Variants in DPP10 observed in about 807,000 individuals in gnomAD.
The protein encoded by DPP10 is inactive dipeptidyl peptidase 10.
DPP10 carries 33 observed loss-of-function variants against 120.9 expected under a neutral mutation model. The observed-to-expected ratio is 0.27, with a 90% confidence interval of 0.21 to 0.37. The LOEUF (loss-of-function observed/expected upper bound fraction) is 0.37, where lower values mean the gene tolerates loss of function less well. Among genes scored for constraint, DPP10 ranks in the 10% least tolerant of loss-of-function variants. DPP10 has a pLI of 1.00. For missense variants in DPP10, 816 were observed against 942.8 expected, an observed-to-expected ratio of 0.87 and a Z score of 1.76; for synonymous variants, 337 against 326.1, an observed-to-expected ratio of 1.03 and a Z score of -0.36.
chr2:115,753,890 T>C (rs927333073), intron 11 of DPP10, among the ~76,000 whole-genome samples: 9 of 152,174 alleles, frequency 5.9e-5, no homozygotes, highest in African/African-American at 2.2e-4. Context: ...TAAACGGTTA[T>C]GTGTATGGTA....
chr2:114,616,581 G>A (rs1023830792), intron 1 of DPP10, among the ~76,000 whole-genome samples: 2 of 152,116 alleles, frequency 1.3e-5, no homozygotes, highest in African/African-American at 4.8e-5. Flanking sequence ...AAATGCTGTT[G>A]CTGTAACCTT....
At chr2:114,747,923 G>C (rs1325918569) in intron 1 of DPP10, among the ~76,000 whole-genome samples, 1 of 152,100 alleles carries the variant, frequency 6.6e-6, no homozygotes, top group Non-Finnish European at 1.5e-5. Flanking sequence ...TCAAATTACG[G>C]TCTATCAGTG....
intron 8 of DPP10, among the ~76,000 whole-genome samples, chr2:115,729,823 G>T (rs1018810946): frequency 8.0e-6 from 1 of 125,528 alleles, no homozygotes; most frequent in African/African-American, 2.9e-5. Flanking sequence ...AGAAGAGAGA[G>T]AGAGCATCTG....
intron 5 of DPP10, among the ~76,000 whole-genome samples, chr2:115,677,155 A>G (rs1028411351): frequency 6.6e-6 from 1 of 152,212 alleles, no homozygotes; most frequent in African/African-American, 2.4e-5. Flanking sequence ...GAGGGAATTC[A>G]TCACCACTAG....
intron 1 of DPP10, among the ~76,000 whole-genome samples, chr2:114,974,726 A>G (rs1019023258): frequency 2.6e-5 from 4 of 151,976 alleles, no homozygotes; most frequent in Non-Finnish European, 4.4e-5. Flanking sequence ...GCTAGATCCT[A>G]TATAGAAGGT....
At chr2:115,812,705 T>C (rs1185507120) in intron 19 of DPP10, among the ~76,000 whole-genome samples, 1 of 152,138 alleles carries the variant, frequency 6.6e-6, no homozygotes, top group African/African-American at 2.4e-5. Context: ...TCACTGAAAA[T>C]CACATTAAAT....
chr2:114,731,755 G>A (rs928622949), intron 1 of DPP10, among the ~76,000 whole-genome samples: 1 of 152,094 alleles, frequency 6.6e-6, no homozygotes, highest in Non-Finnish European at 1.5e-5. Flanking sequence ...CAGAGAAGAG[G>A]AGCACCAATG....
chr2:114,958,202 G>A (rs944202535), intron 1 of DPP10, among the ~76,000 whole-genome samples: 3 of 152,208 alleles, frequency 2.0e-5, no homozygotes, highest in Admixed American at 6.5e-5. Context: ...ATTAGTGTTT[G>A]CCTTATTTGA....
intron 1 of DPP10, among the ~76,000 whole-genome samples, chr2:114,496,679 G>T (rs1682545461): frequency 6.6e-6 from 1 of 151,974 alleles, no homozygotes; most frequent in Non-Finnish European, 1.5e-5. Flanking sequence ...TTAAACTCTG[G>T]ATTTTGGAGA....
At chr2:115,305,508 G>C (rs1411803259) in intron 1 of DPP10, among the ~76,000 whole-genome samples, 1 of 152,010 alleles carries the variant, frequency 6.6e-6, no homozygotes, top group African/African-American at 2.4e-5. Context: ...TGACACAGGA[G>C]GATTGCTTGA....
intron 1 of DPP10, among the ~76,000 whole-genome samples, chr2:114,758,300 T>A (rs1679973151): frequency 6.6e-6 from 1 of 152,232 alleles, no homozygotes; most frequent in Non-Finnish European, 1.5e-5. Flanking sequence ...CCCAAAGCCA[T>A]CCACACTTCT....
chr2:115,581,689 G>A (rs1247815622), intron 5 of DPP10, among the ~76,000 whole-genome samples: 2 of 152,098 alleles, frequency 1.3e-5, no homozygotes, highest in Non-Finnish European at 2.9e-5. Flanking sequence ...GTTTTAGGAA[G>A]TTGAGCAAGA....
At chr2:114,543,370 G>A (rs915565643) in intron 1 of DPP10, among the ~76,000 whole-genome samples, 8 of 152,108 alleles carry the variant, frequency 5.3e-5, no homozygotes, top group East Asian at 1.9e-4. Context: ...CCACTCCTGC[G>A]TCCCTGAAGC....
chr2:115,024,634 T>C (rs935622255), intron 1 of DPP10, among the ~76,000 whole-genome samples: 2 of 150,340 alleles, frequency 1.3e-5, no homozygotes, highest in Non-Finnish European at 3.0e-5. Context: ...TGTATATATG[T>C]ACATATACAT....
chr2:115,672,129 G>A (rs191047683), intron 5 of DPP10, among the ~76,000 whole-genome samples: 2 of 152,258 alleles, frequency 1.3e-5, no homozygotes, highest in African/African-American at 4.8e-5. Context: ...TGTTGAAAAA[G>A]TAGTACTCAT....
intron 7 of DPP10, among the ~76,000 whole-genome samples, chr2:115,698,629 A>G (rs1358413710): frequency 1.3e-5 from 2 of 152,122 alleles, no homozygotes; most frequent in African/African-American, 4.8e-5. Context: ...CTCTGTGCAT[A>G]CTCAAAGGAA....
chr2:115,314,257 A>C (rs2061695023), intron 2 of DPP10, among the ~76,000 whole-genome samples: 1 of 152,178 alleles, frequency 6.6e-6, no homozygotes, highest in African/African-American at 2.4e-5. Flanking sequence ...TATACTCCAC[A>C]GTTCTTCAGC....
At chr2:115,133,503 A>C (rs1300818026) in intron 1 of DPP10, among the ~76,000 whole-genome samples, 1 of 152,144 alleles carries the variant, frequency 6.6e-6, no homozygotes, top group Non-Finnish European at 1.5e-5. Context: ...CAATAGAGAA[A>C]AATGAGGAAA....
chr2:115,616,037 T>G (rs1243509985), intron 5 of DPP10, among the ~76,000 whole-genome samples: 1 of 152,088 alleles, frequency 6.6e-6, no homozygotes, highest in East Asian at 1.9e-4. Context: ...TGATTATGAT[T>G]TAGATGAATT....
Sources: allele counts gnomAD v4.1 joint callset (sites outside exome capture counted in the v4.1 genomes callset), GRCh38; gene constraint gnomAD v4.1.1; transcripts MANE v1.5; gene names NCBI Gene and HGNC (gene_info 2026-07-23, HGNC 2026-07-21).